The following SNX29 variants were observed in gnomAD, a reference collection of about 807,000 sequenced individuals.
SNX29 encodes sorting nexin 29, also known as sorting nexin-29.
In SNX29, 78 loss-of-function variants were observed where a neutral mutation model predicts 102.1. The ratio of observed to expected loss-of-function variants is 0.76; its 90% confidence interval spans 0.64 to 0.92. The LOEUF is 0.92. Among genes scored for constraint, SNX29 ranks in the 40% least tolerant of loss-of-function variants. SNX29 has a pLI of 0.00. For synonymous variants in SNX29, 580 were observed against 414.5 expected (o/e 1.40, Z -4.85); for missense variants, 1,280 against 1,061.7 (o/e 1.21, Z -2.86).
intron 11 of SNX29, among the ~76,000 whole-genome samples, chr16:12,121,197 C>G (rs1394229025): frequency 6.6e-5 from 10 of 152,192 alleles, no homozygotes; most frequent in Admixed American, 6.5e-4. Context: ...GGCAGAGGTG[C>G]AGATGGGCAC....
At chr16:12,559,649 C>T (rs546364573) in intron 20 of SNX29, among the ~76,000 whole-genome samples, 1 of 152,108 alleles carries the variant, frequency 6.6e-6, no homozygotes, top group Non-Finnish European at 1.5e-5. Flanking sequence ...AAATGTAAGC[C>T]ACATTCTGCT....
chr16:12,505,586 G>C (rs1204863847), intron 19 of SNX29, among the ~76,000 whole-genome samples: 1 of 152,162 alleles, frequency 6.6e-6, no homozygotes, highest in East Asian at 1.9e-4. Flanking sequence ...TCACTATAGT[G>C]AAGCAGATTC....
intron 19 of SNX29, among the ~76,000 whole-genome samples, chr16:12,493,529 C>T (rs965752967): frequency 2.6e-5 from 4 of 152,134 alleles, no homozygotes; most frequent in African/African-American, 4.8e-5. Context: ...CCCTTTATTT[C>T]CTTCTCCTGC....
chr16:12,297,918 C>T (rs926773410), intron 15 of SNX29, among the ~76,000 whole-genome samples: 4 of 152,182 alleles, frequency 2.6e-5, no homozygotes, highest in African/African-American at 7.2e-5. Context: ...ACCTGTAATC[C>T]CAGCACTTTA....
intron 19 of SNX29, among the ~76,000 whole-genome samples, chr16:12,505,500 T>C (rs967413654): frequency 6.6e-6 from 1 of 152,148 alleles, no homozygotes; most frequent in African/African-American, 2.4e-5. Context: ...GTTCCTTTTT[T>C]AAAAAAACAA....
chr16:12,400,308 T>A (rs2151499317), intron 17 of SNX29, among the ~76,000 whole-genome samples: 1 of 152,316 alleles, frequency 6.6e-6, no homozygotes, highest in East Asian at 1.9e-4. Context: ...CACTTGGTCC[T>A]CTCCCTTTAG....
chr16:12,172,253 A>T (rs887685443), intron 13 of SNX29, among the ~76,000 whole-genome samples: 1 of 152,202 alleles, frequency 6.6e-6, no homozygotes, highest in African/African-American at 2.4e-5. Flanking sequence ...CTTCTTGGGA[A>T]TTCAAGATGG....
chr16:12,443,643 T>G (rs1386417001), intron 18 of SNX29, among the ~76,000 whole-genome samples: 1 of 152,072 alleles, frequency 6.6e-6, no homozygotes, highest in East Asian at 1.9e-4. Context: ...TAGAGACAGG[T>G]TTTCACTATG....
At chr16:12,060,521 A>G (rs350212) in intron 8 of SNX29, among the ~76,000 whole-genome samples, 6,062 of 152,288 alleles carry the variant, frequency 0.04, 413 homozygotes, top group African/African-American at 0.14. Flanking sequence ...AGGCTCTGCC[A>G]AATCCCAAGA....
At chr16:12,233,751 C>A (rs973705955) in intron 14 of SNX29, among the ~76,000 whole-genome samples, 1 of 152,126 alleles carries the variant, frequency 6.6e-6, no homozygotes, top group Non-Finnish European at 1.5e-5. Flanking sequence ...AGCCCATTTT[C>A]CTGAGCAGTC....
chr16:12,470,649 G>A (rs1263023026), intron 18 of SNX29, among the ~76,000 whole-genome samples: 1 of 152,156 alleles, frequency 6.6e-6, no homozygotes, highest in Non-Finnish European at 1.5e-5. Flanking sequence ...TGAAAGCGGA[G>A]GGGATGCTTA....
intron 15 of SNX29, among the ~76,000 whole-genome samples, chr16:12,290,960 T>G (rs780750185): frequency 2.6e-4 from 39 of 152,284 alleles, no homozygotes; most frequent in Non-Finnish European, 3.5e-4. Context: ...TATAGACTTT[T>G]TAAGAGCAAG....
At chr16:12,540,826 A>G (rs912645335) in intron 20 of SNX29, among the ~76,000 whole-genome samples, 3 of 152,152 alleles carry the variant, frequency 2.0e-5, no homozygotes, top group African/African-American at 4.8e-5. Flanking sequence ...AAGGGGCAAA[A>G]AGAAACAAGA....
chr16:12,557,015 ACC>A (rs11387141), intron 20 of SNX29, among the ~76,000 whole-genome samples: 408 of 31,836 alleles, frequency 0.013, 43 homozygotes, highest in Middle Eastern at 0.02. Flanking sequence ...TGGCTAATTT[ACC>A]CCCCCCCCGC....
intron 16 of SNX29, among the ~76,000 whole-genome samples, chr16:12,389,475 T>A (rs894699387): frequency 6.6e-6 from 1 of 152,178 alleles, no homozygotes; most frequent in Non-Finnish European, 1.5e-5. Context: ...CCTGCCACCA[T>A]GTAAGATGTG....
intron 18 of SNX29, among the ~76,000 whole-genome samples, chr16:12,407,002 G>A (rs1013519759): frequency 6.6e-6 from 1 of 152,198 alleles, no homozygotes; most frequent in Admixed American, 6.5e-5. Flanking sequence ...TCCTGTTCTG[G>A]ACAGCACAGA....
chr16:12,069,033 T>C, intron 9 of SNX29, 24 bp from the exon 10 acceptor site: 2 of 1,611,142 alleles, frequency 1.2e-6, no homozygotes, highest in Non-Finnish European at 1.7e-6. Context: ...GTGACCTCTT[T>C]CTGTGATTGC....
chr16:12,178,519 G>T (rs1008802799), intron 13 of SNX29, among the ~76,000 whole-genome samples: 11 of 152,148 alleles, frequency 7.2e-5, no homozygotes, highest in African/African-American at 2.7e-4. Context: ...GGACACAAGG[G>T]GCCAGATGTC....
intron 3 of SNX29, among the ~76,000 whole-genome samples, chr16:12,026,657 C>T (rs1452042691): frequency 6.6e-6 from 1 of 152,152 alleles, no homozygotes; most frequent in African/African-American, 2.4e-5. Context: ...TTGAAAATTC[C>T]ATCAACTCAC....
Sources: gnomAD v4.1 joint callset for allele counts (sites outside exome capture counted in the v4.1 genomes callset) on GRCh38, gnomAD v4.1.1 for gene constraint, MANE v1.5 for transcripts, NCBI Gene and HGNC (gene_info 2026-07-23, HGNC 2026-07-21) for gene names.